The following GARIN1A variants were observed in gnomAD, a reference collection of about 807,000 sequenced individuals.
GARIN1A encodes Golgi-associated RAB2 interactor protein 1A.
chr7:128,680,626 G>T, the GARIN1A span, among the ~76,000 whole-genome samples: 1 of 148,288 alleles, frequency 6.7e-6, no homozygotes, highest in South Asian at 2.1e-4. Context: ...GTGCAATGGC[G>T]TGATGTCAGC....
At chr7:128,683,791 A>G in the GARIN1A span, 5 of 152,634 alleles carry the variant, frequency 3.3e-5, no homozygotes, top group African/African-American at 4.8e-5. Flanking sequence ...ATTTATAAAG[A>G]AAAGAGGTTT....
the GARIN1A span, chr7:128,677,561 C>A: frequency 1.9e-6 from 3 of 1,593,196 alleles, no homozygotes; most frequent in Non-Finnish European, 2.6e-6. Context: ...TGATTATGTC[C>A]AGGCTTCTCC....
chr7:128,683,227 C>T, the GARIN1A span: 1 of 1,220,656 alleles, frequency 8.2e-7, no homozygotes, highest in Non-Finnish European at 1.1e-6. Flanking sequence ...TGCTCCTTTT[C>T]CACTGTGAGC....
the GARIN1A span, among the ~76,000 whole-genome samples, chr7:128,702,741 G>A: frequency 6.6e-6 from 1 of 152,172 alleles, no homozygotes; most frequent in Non-Finnish European, 1.5e-5. Context: ...AAACACATCA[G>A]TTAAAAGTCA....
At chr7:128,681,443 C>T in the GARIN1A span, among the ~76,000 whole-genome samples, 16 of 117,022 alleles carry the variant, frequency 1.4e-4, no homozygotes, top group South Asian at 1.8e-3. Context: ...TCCCCCTCCC[C>T]TCCTCTCCCC....
the GARIN1A span, among the ~76,000 whole-genome samples, chr7:128,694,949 TC>T: frequency 6.6e-6 from 1 of 152,346 alleles, no homozygotes; most frequent in East Asian, 1.9e-4. Flanking sequence ...TCTTCCTAGT[TC>T]CGTTGGTCTT....
the GARIN1A span, among the ~76,000 whole-genome samples, chr7:128,705,661 T>G: frequency 3.4e-5 from 4 of 117,168 alleles, no homozygotes; most frequent in Middle Eastern, 4.1e-3. Context: ...TGGTGTTTTT[T>G]TTTTTTTTTT....
chr7:128,687,151 G>A, the GARIN1A span: 7 of 152,178 alleles, frequency 4.6e-5, no homozygotes. Context: ...CTTATTGATG[G>A]ATTTCTTCAA....
the GARIN1A span, chr7:128,672,655 GGGC>G: frequency 3.5e-6 from 2 of 577,070 alleles, no homozygotes; most frequent in South Asian, 2.2e-5. Context: ...GGGGAGGGGG[GGGC>G]GGGGGGACAA....
At chr7:128,686,324 G>A in the GARIN1A span, 4 of 152,144 alleles carry the variant, frequency 2.6e-5, no homozygotes, top group Non-Finnish European at 5.9e-5. Context: ...GCACTATGCT[G>A]ACTTTACAAA....
chr7:128,697,291 G>A, the GARIN1A span: 1 of 152,324 alleles, frequency 6.6e-6, no homozygotes, highest in African/African-American at 2.4e-5. Flanking sequence ...TGGGCGCCAA[G>A]TAACCAGAGA....
At chr7:128,673,320 C>T in the GARIN1A span, among the ~76,000 whole-genome samples, 2 of 151,186 alleles carry the variant, frequency 1.3e-5, no homozygotes, top group Non-Finnish European at 2.9e-5. Flanking sequence ...GAGCTTGGGC[C>T]AGCTGATGCA....
chr7:128,692,436 AAACACC>A, the GARIN1A span, among the ~76,000 whole-genome samples: 1 of 152,238 alleles, frequency 6.6e-6, no homozygotes, highest in Admixed American at 6.5e-5. Context: ...TCTTAGATGA[AAACACC>A]ACACGGATTG....
the GARIN1A span, among the ~76,000 whole-genome samples, chr7:128,706,713 G>A: frequency 1.2e-4 from 19 of 152,174 alleles, no homozygotes; most frequent in African/African-American, 3.6e-4. Flanking sequence ...ACCCGCCACC[G>A]CCCCTACTGA....
chr7:128,688,313 C>CTGGTT, the GARIN1A span, among the ~76,000 whole-genome samples: 1 of 152,106 alleles, frequency 6.6e-6, no homozygotes, highest in African/African-American at 2.4e-5. Flanking sequence ...CCTGGCCCCC[C>CTGGTT]TGGTTTCTTC....
the GARIN1A span, chr7:128,680,156 C>T: frequency 1.3e-6 from 2 of 1,521,454 alleles, no homozygotes; most frequent in African/African-American, 2.8e-5. Flanking sequence ...ACAGGTGGGT[C>T]CTCTGTGGGG....
At chr7:128,674,454 A>G in the GARIN1A span, among the ~76,000 whole-genome samples, 1 of 152,098 alleles carries the variant, frequency 6.6e-6, no homozygotes, top group Non-Finnish European at 1.5e-5. Context: ...TGCAACCCAC[A>G]TATTAGTTAT....
chr7:128,689,334 G>A, the GARIN1A span, among the ~76,000 whole-genome samples: 5 of 151,830 alleles, frequency 3.3e-5, no homozygotes, highest in Non-Finnish European at 7.4e-5. Flanking sequence ...CTTACCGGCC[G>A]CCATCCCATC....
chr7:128,688,713 G>A, the GARIN1A span, among the ~76,000 whole-genome samples: 1 of 146,896 alleles, frequency 6.8e-6, no homozygotes, highest in South Asian at 2.2e-4. Context: ...ACTCCTCTCT[G>A]CCCCCATTCT....
Sources: gnomAD v4.1 joint callset for allele counts (sites outside exome capture counted in the v4.1 genomes callset) on GRCh38, gnomAD v4.1.1 for gene constraint, MANE v1.5 for transcripts, NCBI Gene and HGNC (gene_info 2026-07-23, HGNC 2026-07-21) for gene names.